Variants in KIAA0825 observed in about 807,000 individuals in gnomAD.
KIAA0825 encodes the protein uncharacterized protein KIAA0825.
In KIAA0825, 119 loss-of-function variants were observed where a neutral mutation model predicts 147.6. That is an observed-to-expected ratio of 0.81 (90% CI 0.69 to 0.94). The LOEUF (loss-of-function observed/expected upper bound fraction) is 0.94. KIAA0825 is among the 40% of genes least tolerant of loss of function. The pLI is 0.00. For missense variants in KIAA0825, 1,381 were observed against 1,472.7 expected (o/e 0.94, Z 1.02); for synonymous variants, 470 against 518.1 (o/e 0.91, Z 1.26).
intron 2 of KIAA0825, among the ~76,000 whole-genome samples, chr5:94,574,543 C>CAA (rs1181241238): frequency 1.5e-3 from 97 of 65,486 alleles, no homozygotes; most frequent in Middle Eastern, 0.012. Context: ...GACTCCATCT[C>CAA]AAAAAAAAAA....
At chr5:94,571,813 T>A (rs887127515) in intron 2 of KIAA0825, among the ~76,000 whole-genome samples, 2 of 152,216 alleles carry the variant, frequency 1.3e-5, no homozygotes, top group African/African-American at 4.8e-5. Flanking sequence ...TGTACACTGA[T>A]ATTTTGTTTT....
intron 14 of KIAA0825, among the ~76,000 whole-genome samples, chr5:94,439,190 C>T (rs992196017): frequency 2.6e-5 from 4 of 152,096 alleles, no homozygotes; most frequent in African/African-American, 9.7e-5. Context: ...GACTTGGGTG[C>T]TTCAGGTGTT....
intron 1 of KIAA0825, among the ~76,000 whole-genome samples, chr5:94,583,479 G>C (rs1782634156): frequency 6.6e-6 from 1 of 152,194 alleles, no homozygotes; most frequent in South Asian, 2.1e-4. Flanking sequence ...GTTCAGGCTT[G>C]AGTAGACGGT....
At chr5:94,557,968 C>T (rs530936467) in intron 2 of KIAA0825, among the ~76,000 whole-genome samples, 7 of 152,280 alleles carry the variant, frequency 4.6e-5, no homozygotes, top group African/African-American at 9.6e-5. Flanking sequence ...GGGTGTCTGC[C>T]GTGCTCCTGA....
chr5:94,539,892 C>T (rs186438868), intron 2 of KIAA0825, among the ~76,000 whole-genome samples: 19 of 152,180 alleles, frequency 1.2e-4, no homozygotes, highest in African/African-American at 4.3e-4. Context: ...GATTAATCTG[C>T]CTTGCACTCT....
At chr5:94,517,302 T>G (rs1420551233) in intron 5 of KIAA0825, among the ~76,000 whole-genome samples, 1 of 152,186 alleles carries the variant, frequency 6.6e-6, no homozygotes, top group African/African-American at 2.4e-5. Flanking sequence ...TATTCTCATA[T>G]ATAAAGTATA....
chr5:94,405,261 T>A (rs943105626), intron 15 of KIAA0825, among the ~76,000 whole-genome samples: 1 of 152,238 alleles, frequency 6.6e-6, no homozygotes, highest in Admixed American at 6.5e-5. Flanking sequence ...GAAACTTCGT[T>A]ACTTTTATGT....
chr5:94,452,968 G>C lies in KIAA0825; in HGVS notation c.2348C>G (p.Ser783Cys), dbSNP rs1221091727. Reference protein sequence around the residue: ...WVSCISHFYPSLLRTPSAGGL... With the variant: ...WVSCISHFYPCLLRTPSAGGL... Reference sequence around the variant, plus strand: ...ATTTAGAGGCTCTCACCTGAGTAAAGAAGGGTAGAAATGTGATATGCAAGA... The same window carrying C: ...ATTTAGAGGCTCTCACCTGAGTAAACAAGGGTAGAAATGTGATATGCAAGA... The change falls in exon 13 of 21, where the codon TCT becomes TGT. Residue 783 changes from serine (S) to cysteine (C), a missense_variant. Physicochemically the swap from Ser to Cys is moderately radical, Grantham distance 112. Transcript: ENST00000682413. The C allele has an allele frequency of 6.7e-7, 1 of 1,490,510 alleles. No homozygotes were observed. The highest frequency in any genetic ancestry group is 2.4e-5 in the Admixed American group (1 of 41,820). 92.3% of individuals were successfully genotyped at this position (1,490,510 alleles called of 1,614,324 possible).
intron 3 of KIAA0825, among the ~76,000 whole-genome samples, chr5:94,536,035 T>G (rs899869127): frequency 6.6e-6 from 1 of 152,248 alleles, no homozygotes; most frequent in African/African-American, 2.4e-5. Context: ...CATATTTTGG[T>G]TTTTAATGCT....
At chr5:94,169,868 A>G (rs929903027) in intron 20 of KIAA0825, among the ~76,000 whole-genome samples, 9 of 152,102 alleles carry the variant, frequency 5.9e-5, no homozygotes, top group Non-Finnish European at 1.2e-4. Flanking sequence ...AGCCCTCACA[A>G]TTTTATGAGA....
chr5:94,245,843 G>A (rs747286396), intron 20 of KIAA0825, among the ~76,000 whole-genome samples: 3 of 152,060 alleles, frequency 2.0e-5, no homozygotes, highest in Non-Finnish European at 4.4e-5. Flanking sequence ...TGGTGGGTGC[G>A]CGGCGAGGAG....
At chr5:94,458,666 A>G (rs2150938506) in intron 12 of KIAA0825, among the ~76,000 whole-genome samples, 1 of 152,270 alleles carries the variant, frequency 6.6e-6, no homozygotes, top group East Asian at 1.9e-4. Context: ...AGGTGGAAAA[A>G]GGGAGTCATT....
intron 20 of KIAA0825, among the ~76,000 whole-genome samples, chr5:94,256,185 G>A (rs967333180): frequency 1.3e-5 from 2 of 152,090 alleles, no homozygotes; most frequent in Non-Finnish European, 2.9e-5. Context: ...GATTCAAGAA[G>A]GAAATGGCAG....
intron 20 of KIAA0825, among the ~76,000 whole-genome samples, chr5:94,287,007 C>A (rs1308108174): frequency 1.3e-5 from 2 of 152,114 alleles, no homozygotes; most frequent in South Asian, 2.1e-4. Flanking sequence ...GCACAGGCTC[C>A]ATTTTTACTA....
chr5:94,588,253 G>A (rs960585004), intron 1 of KIAA0825, among the ~76,000 whole-genome samples: 17 of 152,096 alleles, frequency 1.1e-4, no homozygotes, highest in Admixed American at 9.2e-4. Flanking sequence ...GAGTGAACAG[G>A]CAACCTACAG....
intron 2 of KIAA0825, among the ~76,000 whole-genome samples, chr5:94,555,888 A>G (rs1776445085): frequency 6.6e-6 from 1 of 152,224 alleles, no homozygotes; most frequent in Non-Finnish European, 1.5e-5. Flanking sequence ...GTCACAGATC[A>G]TGAGATTAAT....
chr5:94,206,032 G>A (rs564542200), intron 20 of KIAA0825, among the ~76,000 whole-genome samples: 1 of 152,076 alleles, frequency 6.6e-6, no homozygotes, highest in East Asian at 1.9e-4. Flanking sequence ...GTGATTGTTG[G>A]TTCTCCTTTT....
intron 20 of KIAA0825, among the ~76,000 whole-genome samples, chr5:94,331,295 T>G (rs1017407555): frequency 6.6e-6 from 1 of 152,136 alleles, no homozygotes; most frequent in African/African-American, 2.4e-5. Flanking sequence ...GGACTACTCC[T>G]TTTCATGAAG....
At chr5:94,316,782 T>C (rs907639763) in intron 20 of KIAA0825, among the ~76,000 whole-genome samples, 13 of 151,824 alleles carry the variant, frequency 8.6e-5, no homozygotes, top group Non-Finnish European at 1.8e-4. Flanking sequence ...GTTTATTTTA[T>C]TGTTTTTTTA....
Sources: allele counts gnomAD v4.1 joint callset (sites outside exome capture counted in the v4.1 genomes callset), GRCh38; gene constraint gnomAD v4.1.1; transcripts MANE v1.5; gene names NCBI Gene and HGNC (gene_info 2026-07-23, HGNC 2026-07-21).